Variants in CNTN5 observed in about 807,000 individuals in gnomAD.
CNTN5 encodes the protein contactin-5.
Under a neutral mutation model 129.1 loss-of-function variants are expected in CNTN5, and 77 were observed. The observed-to-expected ratio is 0.60, with a 90% CI of 0.50 to 0.72. The LOEUF is 0.72. Ranked by LOEUF, CNTN5 falls within the 30% of genes least tolerant of loss-of-function variation. The pLI is 0.00. For missense variants in CNTN5, 1,478 were observed against 1,328.8 expected, an observed-to-expected ratio of 1.11 and a Z score of -1.75; for synonymous variants, 509 against 465.6, an observed-to-expected ratio of 1.09 and a Z score of -1.20.
At chr11:99,254,238 A>G (rs1302903182) in intron 1 of CNTN5, among the ~76,000 whole-genome samples, 1 of 151,896 alleles carries the variant, frequency 6.6e-6, no homozygotes, top group African/African-American at 2.4e-5. Flanking sequence ...ATGGATGGAT[A>G]AAGTATTCTA....
chr11:99,427,974 T>A (rs1442678925), intron 2 of CNTN5, among the ~76,000 whole-genome samples: 1 of 151,956 alleles, frequency 6.6e-6, no homozygotes, highest in Non-Finnish European at 1.5e-5. Flanking sequence ...TTCCATACAT[T>A]TTCTTTTTAC....
At chr11:100,340,375 C>A in intron 21 of CNTN5, 88 bp from the exon 22 acceptor site, 1 of 936,168 alleles carries the variant, frequency 1.1e-6, no homozygotes, top group Non-Finnish European at 1.6e-6. Context: ...TGGACTCCAG[C>A]AACATCCAAA....
chr11:99,932,647 A>G (rs1006958683), intron 7 of CNTN5, among the ~76,000 whole-genome samples: 5 of 152,052 alleles, frequency 3.3e-5, no homozygotes, highest in African/African-American at 1.2e-4. Context: ...ATAATTCCTC[A>G]TTTTCAAAAT....
At chr11:100,277,143 A>G (rs528083746) in intron 18 of CNTN5, among the ~76,000 whole-genome samples, 1 of 152,258 alleles carries the variant, frequency 6.6e-6, no homozygotes, top group South Asian at 2.1e-4. Context: ...GTTGTTGCAA[A>G]TGACAGGATT....
chr11:99,103,836 G>A (rs1866863087), intron 1 of CNTN5, among the ~76,000 whole-genome samples: 1 of 151,722 alleles, frequency 6.6e-6, no homozygotes, highest in Admixed American at 6.6e-5. Flanking sequence ...TGGAGGCAGA[G>A]ATCTGTAAAA....
chr11:99,128,408 AT>A (rs1456943851), intron 1 of CNTN5, among the ~76,000 whole-genome samples: 1 of 152,184 alleles, frequency 6.6e-6, no homozygotes, highest in Non-Finnish European at 1.5e-5. Context: ...TGGGACCCAG[AT>A]TCATCCCTTC....
At chr11:100,192,167 A>G (rs1948514589) in intron 14 of CNTN5, among the ~76,000 whole-genome samples, 2 of 152,110 alleles carry the variant, frequency 1.3e-5, no homozygotes, top group South Asian at 4.1e-4. Context: ...GCAGCCTTTC[A>G]GTTCTTATTC....
intron 13 of CNTN5, among the ~76,000 whole-genome samples, chr11:100,112,097 T>C (rs1165207614): frequency 6.6e-6 from 1 of 152,172 alleles, no homozygotes; most frequent in Admixed American, 6.5e-5. Context: ...GGTGTGGCCA[T>C]ATGACGTGCT....
chr11:99,653,358 G>A (rs993467421), intron 3 of CNTN5, among the ~76,000 whole-genome samples: 10 of 151,716 alleles, frequency 6.6e-5, no homozygotes, highest in African/African-American at 9.7e-5. Context: ...CTGGCTCTTG[G>A]GGCAAAACCT....
At chr11:99,303,545 G>A (rs1311312569) in intron 1 of CNTN5, among the ~76,000 whole-genome samples, 1 of 150,314 alleles carries the variant, frequency 6.7e-6, no homozygotes, top group Non-Finnish European at 1.5e-5. Flanking sequence ...AAAACTGGAG[G>A]AAAGAAATAG....
At chr11:99,273,284 A>C (rs903692279) in intron 1 of CNTN5, among the ~76,000 whole-genome samples, 2 of 151,848 alleles carry the variant, frequency 1.3e-5, no homozygotes, top group African/African-American at 4.8e-5. Context: ...ACGTCAACAG[A>C]AAAGAGGAAA....
rs1283284935 is a variant in CNTN5 at position 99,786,386 on chromosome 11, C to T, written c.56-33158C>T. Among the ~76,000 whole-genome samples, 6 of 151,798 alleles carry T rather than the reference C, an allele frequency of 4.0e-5. No individual in the cohort carries two copies. In the East Asian group the frequency reaches 1.1e-3, roughly 27 times the overall value. Reference sequence around the variant, plus strand: ...AACAAATGGAAAAACATTCCATGCCCATGGATAGGAAGAATCAATATCGCA... The same window carrying T: ...AACAAATGGAAAAACATTCCATGCCTATGGATAGGAAGAATCAATATCGCA... On this transcript the variant is annotated intron_variant, in intron 3 of 24. Coordinates refer to ENST00000524871, the MANE Select transcript of CNTN5 (RefSeq NM_014361.4).
chr11:100,107,246 T>G (rs1403186893), intron 13 of CNTN5, among the ~76,000 whole-genome samples: 1 of 152,122 alleles, frequency 6.6e-6, no homozygotes, highest in Non-Finnish European at 1.5e-5. Flanking sequence ...CCAGGTATCC[T>G]GCAGATTTTG....
chr11:100,122,257 G>A (rs1946049763), intron 13 of CNTN5, among the ~76,000 whole-genome samples: 1 of 151,974 alleles, frequency 6.6e-6, no homozygotes, highest in East Asian at 1.9e-4. Flanking sequence ...GGAGTCCCAA[G>A]GTCAAAGAAT....
intron 2 of CNTN5, among the ~76,000 whole-genome samples, chr11:99,373,431 AGGCCGGGCGT>A (rs950797745): frequency 3.3e-5 from 5 of 150,622 alleles, no homozygotes; most frequent in Non-Finnish European, 7.4e-5. Context: ...TGAAATTAAA[AGGCCGGGCGT>A]GGTGGCTCAT....
intron 1 of CNTN5, among the ~76,000 whole-genome samples, chr11:99,024,917 T>C (rs992774084): frequency 6.6e-6 from 1 of 152,028 alleles, no homozygotes; most frequent in Non-Finnish European, 1.5e-5. Context: ...GAATTTCTTG[T>C]GATCACTGCC....
intron 3 of CNTN5, among the ~76,000 whole-genome samples, chr11:99,712,058 C>T (rs1955014978): frequency 6.6e-6 from 1 of 152,100 alleles, no homozygotes; most frequent in Non-Finnish European, 1.5e-5. Flanking sequence ...AATCACCACA[C>T]TGTCTTCCAC....
chr11:99,411,695 C>A (rs1942402036), intron 2 of CNTN5, among the ~76,000 whole-genome samples: 1 of 152,002 alleles, frequency 6.6e-6, no homozygotes, highest in Non-Finnish European at 1.5e-5. Flanking sequence ...AGCCTAGAGC[C>A]CAAGGAAATA....
At chr11:99,368,061 A>T (rs1009993620) in intron 2 of CNTN5, among the ~76,000 whole-genome samples, 5 of 152,106 alleles carry the variant, frequency 3.3e-5, no homozygotes, top group Non-Finnish European at 5.9e-5. Context: ...ATCTTTCAAG[A>T]TCCTATTCTC....
Sources: gnomAD v4.1 joint callset for allele counts (sites outside exome capture counted in the v4.1 genomes callset) on GRCh38, gnomAD v4.1.1 for gene constraint, MANE v1.5 for transcripts, NCBI Gene and HGNC (gene_info 2026-07-23, HGNC 2026-07-21) for gene names.